MACROD2: variants seen among roughly 807,000 people sequenced by gnomAD.
The protein encoded by MACROD2 is mono-ADP ribosylhydrolase 2, also known as ADP-ribose glycohydrolase MACROD2.
MACROD2 carries 36 observed loss-of-function variants against 70.4 expected under a neutral mutation model. That is an observed-to-expected ratio of 0.51 (90% CI 0.39 to 0.68). The LOEUF (loss-of-function observed/expected upper bound fraction) is 0.68, where lower values mean the gene tolerates loss of function less well. Among genes scored for constraint, MACROD2 ranks in the 30% least tolerant of loss-of-function variants. The pLI, the probability that MACROD2 is intolerant of heterozygous loss-of-function variation, is 0.00. For synonymous variants in MACROD2, 172 were observed against 178.8 expected (o/e 0.96, Z 0.30); for missense variants, 496 against 538.4 (o/e 0.92, Z 0.78).
chr20:14,124,786 A>G (rs568958271), intron 3 of MACROD2, among the ~76,000 whole-genome samples: 2 of 152,290 alleles, frequency 1.3e-5, no homozygotes, highest in East Asian at 3.9e-4. Flanking sequence ...TGACCCAGCC[A>G]TTCCACTCCT....
intron 8 of MACROD2, among the ~76,000 whole-genome samples, chr20:15,640,921 G>T (rs946612995): frequency 6.6e-6 from 1 of 152,212 alleles, no homozygotes; most frequent in Non-Finnish European, 1.5e-5. Context: ...TTACCCGCCA[G>T]CTGGGCTTAT....
At chr20:15,612,531 A>T (rs1268837872) in intron 8 of MACROD2, among the ~76,000 whole-genome samples, 1 of 152,240 alleles carries the variant, frequency 6.6e-6, no homozygotes, top group African/African-American at 2.4e-5. Context: ...AACATTTTTT[A>T]AAAAACATAT....
At chr20:14,147,945 T>G (rs955002023) in intron 3 of MACROD2, among the ~76,000 whole-genome samples, 1 of 152,194 alleles carries the variant, frequency 6.6e-6, no homozygotes, top group Non-Finnish European at 1.5e-5. Flanking sequence ...GTGAAAAGCT[T>G]CCCTTCAAGT....
intron 5 of MACROD2, among the ~76,000 whole-genome samples, chr20:15,105,630 C>T (rs771307149): frequency 2.0e-5 from 3 of 152,108 alleles, no homozygotes; most frequent in Non-Finnish European, 4.4e-5. Context: ...AATAATTTGT[C>T]GAGGAAAAAT....
intron 5 of MACROD2, among the ~76,000 whole-genome samples, chr20:15,172,775 A>G (rs1157777130): frequency 5.9e-5 from 9 of 152,234 alleles, no homozygotes; most frequent in Admixed American, 5.2e-4. Context: ...TCAAGTGCAG[A>G]TTAATAATTA....
At chr20:15,543,086 G>A (rs2047979651) in intron 8 of MACROD2, among the ~76,000 whole-genome samples, 1 of 152,134 alleles carries the variant, frequency 6.6e-6, no homozygotes, top group Non-Finnish European at 1.5e-5. Flanking sequence ...TGACTACAAT[G>A]TTTACTCTTT....
intron 7 of MACROD2, among the ~76,000 whole-genome samples, chr20:15,445,066 G>A (rs544458974): frequency 8.9e-4 from 135 of 152,138 alleles, no homozygotes; most frequent in African/African-American, 3.0e-3. Flanking sequence ...CACTGCTATC[G>A]CTTAGATTCT....
At chr20:15,650,261 G>T (rs914744345) in intron 8 of MACROD2, among the ~76,000 whole-genome samples, 2 of 152,158 alleles carry the variant, frequency 1.3e-5, no homozygotes, top group Admixed American at 6.6e-5. Flanking sequence ...TGAGAAAGCT[G>T]AACGTCAACC....
intron 8 of MACROD2, among the ~76,000 whole-genome samples, chr20:15,613,020 C>T (rs866458988): frequency 6.6e-6 from 1 of 152,118 alleles, no homozygotes; most frequent in African/African-American, 2.4e-5. Flanking sequence ...AAATCATTTT[C>T]CCTGTGGCAA....
chr20:15,440,405 G>A (rs914692468), intron 7 of MACROD2, among the ~76,000 whole-genome samples: 36 of 152,058 alleles, frequency 2.4e-4, no homozygotes, highest in African/African-American at 8.4e-4. Context: ...CAGATCACCT[G>A]GTCTCTTTCT....
chr20:14,254,111 T>G (rs2082034168), intron 3 of MACROD2, among the ~76,000 whole-genome samples: 1 of 152,148 alleles, frequency 6.6e-6, no homozygotes, highest in East Asian at 1.9e-4. Flanking sequence ...TGAAAGAATA[T>G]GTAAATCTGC....
chr20:15,768,035 C>CAAAA (rs57723369), intron 8 of MACROD2, among the ~76,000 whole-genome samples: 8 of 143,086 alleles, frequency 5.6e-5, no homozygotes, highest in African/African-American at 2.1e-4. Context: ...GCATCAGTTG[C>CAAAA]AAAAAAAAAA....
At chr20:14,780,285 G>A (rs1472280674) in intron 5 of MACROD2, among the ~76,000 whole-genome samples, 1 of 152,108 alleles carries the variant, frequency 6.6e-6, no homozygotes. Context: ...AAACACGACT[G>A]GGCGCAGTGG....
At chr20:14,322,771 A>C (rs1210882586) in intron 3 of MACROD2, among the ~76,000 whole-genome samples, 2 of 152,218 alleles carry the variant, frequency 1.3e-5, no homozygotes, top group East Asian at 3.8e-4. Context: ...TTTGTTGACC[A>C]TAATAATAGT....
At chr20:14,503,558 A>G (rs999647639) in intron 4 of MACROD2, among the ~76,000 whole-genome samples, 6 of 152,326 alleles carry the variant, frequency 3.9e-5, no homozygotes, top group Middle Eastern at 3.4e-3. Context: ...AAGACTCAGA[A>G]GTGTACAATA....
At chr20:15,550,940 G>A (rs1340805706) in intron 8 of MACROD2, among the ~76,000 whole-genome samples, 2 of 152,168 alleles carry the variant, frequency 1.3e-5, no homozygotes, top group Non-Finnish European at 2.9e-5. Context: ...ATACTGAAGT[G>A]AAAATTTGGA....
At chr20:14,146,549 G>T (rs79946798) in intron 3 of MACROD2, among the ~76,000 whole-genome samples, 4,031 of 152,190 alleles carry the variant, frequency 0.026, 52 homozygotes, top group Non-Finnish European at 0.032. Context: ...AAGAAGAGAG[G>T]CTCCACAATC....
intron 5 of MACROD2, among the ~76,000 whole-genome samples, chr20:14,697,033 G>T (rs2123624560): frequency 6.6e-6 from 1 of 152,262 alleles, no homozygotes; most frequent in Admixed American, 6.5e-5. Flanking sequence ...TGGAATTCAG[G>T]GATTGTGTTC....
In MACROD2 at chr20:15,940,078, G is replaced by A. The variant is rs114745992; in HGVS notation, c.907+2534G>A. Among the ~76,000 whole-genome samples the A allele has an allele frequency of 3.5e-3, 540 of 152,220 alleles. 5 individuals carry two copies. The highest frequency in any genetic ancestry group is 0.011 in the African/African-American group (475 of 41,554). ...TGCTCCTGGTGAAGACAGCAGGTTTGAGAGTATTGAGTTCAATTTTTTGTT... is the reference window on the plus strand; with the variant it reads ...TGCTCCTGGTGAAGACAGCAGGTTTAAGAGTATTGAGTTCAATTTTTTGTT... On this transcript the variant is annotated intron_variant, in intron 12 of 17. Coordinates refer to ENST00000684519, the MANE Select transcript of MACROD2 (RefSeq NM_001351661.2).
Sources: gnomAD v4.1 joint callset for allele counts (sites outside exome capture counted in the v4.1 genomes callset) on GRCh38, gnomAD v4.1.1 for gene constraint, MANE v1.5 for transcripts, NCBI Gene and HGNC (gene_info 2026-07-23, HGNC 2026-07-21) for gene names.